Variants in DLG2 observed in about 807,000 individuals in gnomAD.
The protein encoded by DLG2 is disks large homolog 2.
In DLG2, 45 loss-of-function variants were observed where a neutral mutation model predicts 132.5. The observed-to-expected ratio is 0.34, with a 90% CI of 0.27 to 0.44. The LOEUF (loss-of-function observed/expected upper bound fraction) is 0.44. Among genes scored for constraint, DLG2 ranks in the 20% least tolerant of loss-of-function variants. The pLI is 1.00. For synonymous variants in DLG2, 424 were observed against 419.6 expected (o/e 1.01, Z -0.13); for missense variants, 1,045 against 1,196.9 (o/e 0.87, Z 1.87).
intron 7 of DLG2, among the ~76,000 whole-genome samples, chr11:84,256,710 G>A (rs2097477964): frequency 6.6e-6 from 1 of 152,166 alleles, no homozygotes. Flanking sequence ...TCTATTTAGA[G>A]GGACACAGGC....
intron 19 of DLG2, among the ~76,000 whole-genome samples, chr11:83,610,296 GCA>G (rs138913691): frequency 7.9e-5 from 12 of 152,258 alleles, no homozygotes; most frequent in African/African-American, 2.9e-4. Flanking sequence ...GAAGTAATTG[GCA>G]CAAGGCTGCC....
At chr11:85,046,275 C>A (rs2062338021) in intron 6 of DLG2, among the ~76,000 whole-genome samples, 1 of 151,994 alleles carries the variant, frequency 6.6e-6, no homozygotes, top group Non-Finnish European at 1.5e-5. Context: ...AGCAGTATAT[C>A]AACAGCTACC....
chr11:84,983,576 A>G (rs959354297), intron 6 of DLG2, among the ~76,000 whole-genome samples: 4 of 152,200 alleles, frequency 2.6e-5, no homozygotes, highest in African/African-American at 9.7e-5. Flanking sequence ...GGTGATATGA[A>G]AAAACAAGGT....
At chr11:84,757,449 A>G (rs1291229558) in intron 6 of DLG2, among the ~76,000 whole-genome samples, 1 of 152,148 alleles carries the variant, frequency 6.6e-6, no homozygotes, top group Non-Finnish European at 1.5e-5. Context: ...TTTTATCACA[A>G]AAAGTTTGAG....
intron 18 of DLG2, among the ~76,000 whole-genome samples, chr11:83,698,824 G>A (rs1275326215): frequency 7.1e-6 from 1 of 140,446 alleles, no homozygotes; most frequent in Non-Finnish European, 1.6e-5. Context: ...CTTCCAGAGT[G>A]TGGTTGTAAA....
At chr11:84,898,024 G>GATCTTTAC (rs2090424368) in intron 6 of DLG2, among the ~76,000 whole-genome samples, 1 of 151,856 alleles carries the variant, frequency 6.6e-6, no homozygotes, top group Non-Finnish European at 1.5e-5. Context: ...GTTTGAGATG[G>GATCTTTAC]ATCTTTACAA....
Position 83,889,631 on chromosome 11 carries a change from A to C in DLG2, c.1497-15143T>G, listed in dbSNP as rs1458578562. ...TGGGTATATACCCAAAGGACTATAA[A>C]TCATGCTGCTATAAAGACACATGCA... On this transcript the variant is annotated intron_variant, in intron 15 of 27. Coordinates refer to ENST00000376104, the MANE Select transcript of DLG2 (RefSeq NM_001142699.3). Among the ~76,000 whole-genome samples, 10 of 152,264 alleles carry C rather than the reference A, an allele frequency of 6.6e-5. No homozygotes were observed. In the East Asian group the frequency reaches 1.9e-3, roughly 29 times the overall value.
chr11:83,685,950 C>A (rs1468640235), intron 18 of DLG2, among the ~76,000 whole-genome samples: 19 of 151,766 alleles, frequency 1.3e-4, no homozygotes, highest in Non-Finnish European at 2.9e-5. Context: ...TATCTTACAC[C>A]CCATGCCTTA....
chr11:85,523,175 C>T (rs545766281), intron 3 of DLG2, among the ~76,000 whole-genome samples: 1 of 152,168 alleles, frequency 6.6e-6, no homozygotes, highest in Non-Finnish European at 1.5e-5. Context: ...CTCACAAGAT[C>T]TGATGGTTTT....
chr11:84,950,981 G>A (rs930282799), intron 6 of DLG2, among the ~76,000 whole-genome samples: 1 of 152,020 alleles, frequency 6.6e-6, no homozygotes, highest in Non-Finnish European at 1.5e-5. Context: ...GTTTCACATG[G>A]TATTTAAAGT....
chr11:84,581,320 C>A (rs1024345481), intron 6 of DLG2, among the ~76,000 whole-genome samples: 4 of 152,224 alleles, frequency 2.6e-5, no homozygotes, highest in Admixed American at 2.6e-4. Flanking sequence ...TCCAGCCAGG[C>A]CTTTCTTAGT....
chr11:83,874,262 A>AGAGGGAAGGAAGGAAGGAAGGAG (rs1565442633), intron 16 of DLG2, among the ~76,000 whole-genome samples, 158 bp downstream of exon 16: 1 of 17,978 alleles, frequency 5.6e-5, no homozygotes. Flanking sequence ...GAAGGAAGGA[A>AGAGGGAAGGAAGGAAGGAAGGAG]AGAAGGAAGG....
At chr11:85,516,573 G>T (rs1040999794) in intron 3 of DLG2, among the ~76,000 whole-genome samples, 1 of 151,880 alleles carries the variant, frequency 6.6e-6, no homozygotes, top group Non-Finnish European at 1.5e-5. Context: ...AATTCAATCA[G>T]AAATTTAAAA....
intron 11 of DLG2, among the ~76,000 whole-genome samples, chr11:84,024,847 G>A (rs1323560693): frequency 5.3e-5 from 8 of 150,514 alleles, no homozygotes; most frequent in Admixed American, 1.3e-4. Flanking sequence ...TGCCAAACCC[G>A]GTGAATATAG....
intron 6 of DLG2, among the ~76,000 whole-genome samples, chr11:84,681,046 T>C (rs1239169142): frequency 6.6e-6 from 1 of 152,224 alleles, no homozygotes; most frequent in Non-Finnish European, 1.5e-5. Context: ...AAATATCTAT[T>C]AGAACAGCAC....
chr11:85,010,309 A>G (rs1048231352), intron 6 of DLG2, among the ~76,000 whole-genome samples: 2 of 152,056 alleles, frequency 1.3e-5, no homozygotes, highest in Non-Finnish European at 2.9e-5. Context: ...TCTGCATCCA[A>G]TAAGATAAAG....
intron 6 of DLG2, among the ~76,000 whole-genome samples, chr11:84,940,122 CT>C (rs1353133772): frequency 6.6e-6 from 1 of 152,148 alleles, no homozygotes; most frequent in East Asian, 1.9e-4. Flanking sequence ...GCCATTTTTA[CT>C]GGAGTGAGAT....
At chr11:83,909,363 T>G (rs1026853667) in intron 15 of DLG2, among the ~76,000 whole-genome samples, 1 of 152,154 alleles carries the variant, frequency 6.6e-6, no homozygotes, top group African/African-American at 2.4e-5. Flanking sequence ...TGCAAGGTTT[T>G]TGCAAATAGT....
chr11:84,354,640 G>T (rs79015661), intron 7 of DLG2, among the ~76,000 whole-genome samples: 10,480 of 152,072 alleles, frequency 0.069, 1,118 homozygotes, highest in African/African-American at 0.23. Context: ...AATTAAACTC[G>T]AGACCTTAGA....
Sources: allele counts gnomAD v4.1 joint callset (sites outside exome capture counted in the v4.1 genomes callset), GRCh38; gene constraint gnomAD v4.1.1; transcripts MANE v1.5; gene names NCBI Gene and HGNC (gene_info 2026-07-23, HGNC 2026-07-21).